HMGA2: variants seen among roughly 807,000 people sequenced by gnomAD.
HMGA2 encodes the protein high mobility group AT-hook 2, also known as high mobility group protein HMGI-C.
A neutral mutation model predicts 19.1 loss-of-function variants in HMGA2; 8 were observed. The ratio of observed to expected loss-of-function variants is 0.42; its 90% CI spans 0.25 to 0.76. The LOEUF (loss-of-function observed/expected upper bound fraction) is 0.76. Ranked by LOEUF, HMGA2 falls within the 30% of genes least tolerant of loss-of-function variation. The pLI, the probability that HMGA2 is intolerant of heterozygous loss-of-function variation, is 0.28. For missense variants in HMGA2, 109 were observed against 136.3 expected (o/e 0.80, Z 1.00); for synonymous variants, 60 against 48.8 (o/e 1.23, Z -0.96).
chr12:65,940,944 A>G (rs1876072110), intron 3 of HMGA2, among the ~76,000 whole-genome samples: 1 of 152,226 alleles, frequency 6.6e-6, no homozygotes, highest in African/African-American at 2.4e-5. Context: ...CATATGATCG[A>G]TATCAACAAA....
At chr12:65,843,048 A>G in intron 3 of HMGA2, 1 of 268,200 alleles carries the variant, frequency 3.7e-6, no homozygotes, top group East Asian at 6.2e-5. Flanking sequence ...TTTTGTTCTC[A>G]GAATATTTTA....
intron 4 of HMGA2, chr12:65,954,441 G>A (rs1480723618): frequency 6.6e-6 from 1 of 152,138 alleles, no homozygotes; most frequent in African/African-American, 2.4e-5. Flanking sequence ...TATGTCACAC[G>A]TATACAGAAT....
At chr12:65,886,452 C>T (rs1190284735) in intron 3 of HMGA2, among the ~76,000 whole-genome samples, 1 of 151,728 alleles carries the variant, frequency 6.6e-6, no homozygotes, top group African/African-American at 2.4e-5. Context: ...CTCTACCTCC[C>T]AGGTTCAAGC....
intron 3 of HMGA2, among the ~76,000 whole-genome samples, chr12:65,908,856 C>T (rs1311734662): frequency 6.6e-6 from 1 of 152,116 alleles, no homozygotes; most frequent in Non-Finnish European, 1.5e-5. Flanking sequence ...TTTTTTGTTA[C>T]AAAACTCTAA....
intron 3 of HMGA2, among the ~76,000 whole-genome samples, chr12:65,869,192 A>G (rs1872584004): frequency 6.6e-6 from 1 of 152,174 alleles, no homozygotes; most frequent in South Asian, 2.1e-4. Flanking sequence ...TCGAGTATTT[A>G]TCATTTAAAT....
At chr12:65,945,330 G>C (rs1876228260) in intron 3 of HMGA2, among the ~76,000 whole-genome samples, 1 of 152,024 alleles carries the variant, frequency 6.6e-6, no homozygotes, top group African/African-American at 2.4e-5. Flanking sequence ...GAATATTGAA[G>C]TTTTAAAACT....
At chr12:65,921,890 G>A (rs569473983) in intron 3 of HMGA2, among the ~76,000 whole-genome samples, 10 of 152,360 alleles carry the variant, frequency 6.6e-5, no homozygotes, top group East Asian at 1.9e-4. Flanking sequence ...AGGAACCAAC[G>A]TACAGCTTGG....
At chr12:65,954,483 C>T (rs933818438) in intron 4 of HMGA2, 1 of 152,198 alleles carries the variant, frequency 6.6e-6, no homozygotes, top group African/African-American at 2.4e-5. Context: ...TATCCTCATA[C>T]TGCCCAATGC....
At chr12:65,947,245 G>A (rs1040516285) in intron 3 of HMGA2, among the ~76,000 whole-genome samples, 1 of 151,868 alleles carries the variant, frequency 6.6e-6, no homozygotes, top group African/African-American at 2.4e-5. Flanking sequence ...TCAGTCTCCC[G>A]AGTAGCTGGG....
chr12:65,924,144 T>G (rs766595081), intron 3 of HMGA2, among the ~76,000 whole-genome samples: 17 of 152,184 alleles, frequency 1.1e-4, no homozygotes, highest in Admixed American at 4.6e-4. Flanking sequence ...AAGGTCCATC[T>G]TGTCTTGGCT....
At position 65,855,458 on chromosome 12, in the gene HMGA2, TCACACACA is replaced by T. The variant is rs3048829; in HGVS notation, c.249+16914_249+16921del. On this transcript the variant is annotated intron_variant, in intron 3 of 4. Coordinates refer to ENST00000403681, the MANE Select transcript of HMGA2 (RefSeq NM_003483.6). ...TTCTCTTTCTCTCTCTCTCTCTCTC[TCACACACA>T]CACACACACACACACACACACACAG... Among the ~76,000 whole-genome samples the T allele has an allele frequency of 1.2e-4, 17 of 140,232 alleles. No individual in the cohort carries two copies. In the East Asian group the frequency reaches 2.5e-3, roughly 21 times the overall value. The allele number at this position is 140,232 out of a possible 152,430, so 92.0% of individuals were successfully genotyped here. A position where few individuals can be genotyped will look rare whatever the true frequency, so the allele number is the denominator to read the frequency against.
chr12:65,915,111 G>A (rs900394624), intron 3 of HMGA2: 12 of 1,613,764 alleles, frequency 7.4e-6, no homozygotes, highest in Non-Finnish European at 1.0e-5. Context: ...CTGGGAAACA[G>A]TACCAAAAGG....
intron 3 of HMGA2, among the ~76,000 whole-genome samples, chr12:65,840,931 A>G (rs1870967889): frequency 6.6e-6 from 1 of 152,110 alleles, no homozygotes; most frequent in South Asian, 2.1e-4. Flanking sequence ...GGGCTGTCCT[A>G]TAATGGTCAC....
chr12:65,925,171 G>C (rs1014992311), intron 3 of HMGA2, among the ~76,000 whole-genome samples: 2 of 152,076 alleles, frequency 1.3e-5, no homozygotes, highest in Non-Finnish European at 2.9e-5. Context: ...TAGCTCAAAA[G>C]TATCTTTTCT....
At chr12:65,842,730 CT>C in intron 3 of HMGA2, 1 of 1,443,790 alleles carries the variant, frequency 6.9e-7, no homozygotes. Flanking sequence ...ATTCTCAGAA[CT>C]TCTATAGAAT....
chr12:65,908,967 G>A (rs1234504050), intron 3 of HMGA2, among the ~76,000 whole-genome samples: 2 of 152,092 alleles, frequency 1.3e-5, no homozygotes, highest in African/African-American at 4.8e-5. Flanking sequence ...CACATCCGCT[G>A]GCAGAAGATT....
chr12:65,959,570 T>C (rs1047305111), intron 4 of HMGA2, among the ~76,000 whole-genome samples: 1 of 152,236 alleles, frequency 6.6e-6, no homozygotes, highest in African/African-American at 2.4e-5. Flanking sequence ...CCTTAGTGGC[T>C]GGTGCTCATA....
chr12:65,897,835 CT>C (rs1244185990), intron 3 of HMGA2, among the ~76,000 whole-genome samples: 2 of 151,956 alleles, frequency 1.3e-5, no homozygotes, highest in Non-Finnish European at 2.9e-5. Context: ...TGGCACGCCC[CT>C]GTTGTAATCC....
chr12:65,916,991 CT>C (rs1875125670), intron 3 of HMGA2, among the ~76,000 whole-genome samples: 3 of 152,232 alleles, frequency 2.0e-5, no homozygotes, highest in Admixed American at 2.0e-4. Flanking sequence ...AATGTCTAGC[CT>C]ATATATTTTG....
Sources: allele counts gnomAD v4.1 joint callset (sites outside exome capture counted in the v4.1 genomes callset), GRCh38; gene constraint gnomAD v4.1.1; transcripts MANE v1.5; gene names NCBI Gene and HGNC (gene_info 2026-07-23, HGNC 2026-07-21).